Variants in LGSN observed in about 807,000 individuals in gnomAD.
LGSN encodes lengsin, lens protein with glutamine synthetase domain.
A neutral mutation model predicts 19.5 loss-of-function variants in LGSN; 21 were observed. The ratio of observed to expected loss-of-function variants is 1.07; its 90% CI spans 0.76 to 1.55. The LOEUF (loss-of-function observed/expected upper bound fraction) is 1.55, where lower values mean the gene tolerates loss of function less well. Ranked by LOEUF, LGSN falls within the 40% of genes most tolerant of loss-of-function variation. LGSN has a pLI of 0.00. For missense variants in LGSN, 673 were observed against 608.5 expected, an observed-to-expected ratio of 1.11 and a Z score of -1.12; for synonymous variants, 257 against 215.6, an observed-to-expected ratio of 1.19 and a Z score of -1.68.
At chr6:63,509,146 C>T in the LGSN span, among the ~76,000 whole-genome samples, 1 of 151,112 alleles carries the variant, frequency 6.6e-6, no homozygotes, top group Admixed American at 6.6e-5. Flanking sequence ...CTCACTGCAA[C>T]CTCCACCCCC....
At chr6:63,374,316 C>T in the LGSN span, among the ~76,000 whole-genome samples, 4 of 152,050 alleles carry the variant, frequency 2.6e-5, no homozygotes, top group Admixed American at 6.6e-5. Context: ...TTCAATAGAG[C>T]GCCATGATAT....
At chr6:63,413,667 T>C in the LGSN span, among the ~76,000 whole-genome samples, 1 of 152,206 alleles carries the variant, frequency 6.6e-6, no homozygotes, top group African/African-American at 2.4e-5. Flanking sequence ...ACTATATGTA[T>C]TGCACAAAGG....
chr6:63,364,142 T>G, the LGSN span, among the ~76,000 whole-genome samples: 1 of 152,104 alleles, frequency 6.6e-6, no homozygotes, highest in Non-Finnish European at 1.5e-5. Context: ...GTAAATTGGA[T>G]AAAGAGTCAA....
the LGSN span, among the ~76,000 whole-genome samples, chr6:63,360,347 G>C: frequency 6.6e-6 from 1 of 152,150 alleles, no homozygotes; most frequent in African/African-American, 2.4e-5. Context: ...TTTCTTGGAG[G>C]CTTTGTTTGT....
the LGSN span, among the ~76,000 whole-genome samples, chr6:63,503,927 AAAC>A: frequency 1.3e-5 from 2 of 152,084 alleles, no homozygotes; most frequent in South Asian, 2.1e-4. Context: ...AAAAAAACCA[AAAC>A]AACAACAACA....
intron 3 of LGSN, among the ~76,000 whole-genome samples, chr6:63,284,604 T>G (rs1308975836): frequency 1.3e-5 from 2 of 152,188 alleles, no homozygotes; most frequent in African/African-American, 4.8e-5. Flanking sequence ...GGCAAGTAGT[T>G]AAAGTGCCAG....
chr6:63,570,063 A>G, the LGSN span, among the ~76,000 whole-genome samples: 385 of 152,358 alleles, frequency 2.5e-3, 21 homozygotes, highest in East Asian at 0.067. Context: ...GCAAGACCAC[A>G]CTTATATCTT....
At chr6:63,376,585 T>A in the LGSN span, among the ~76,000 whole-genome samples, 1 of 152,202 alleles carries the variant, frequency 6.6e-6, no homozygotes, top group Non-Finnish European at 1.5e-5. Context: ...TTTTCTGAGC[T>A]TCTAGAAAAC....
chr6:63,377,838 C>T, the LGSN span, among the ~76,000 whole-genome samples: 20 of 143,468 alleles, frequency 1.4e-4, no homozygotes, highest in East Asian at 4.2e-4. Flanking sequence ...CGCTTGAACC[C>T]GGGAGGTGGA....
rs1767255283 is a variant in LGSN at position 63,280,495 on chromosome 6, A to G, written c.1056T>C (p.Ser352=). ...KKWLAGLLKH[S]AALSCLMAPS... ...GCGCCATCAGGCAGCTGAGCGCAGCAGAGTGCTTCAAGAGTCCTGCCAACC... is the reference window on the plus strand; with the variant it reads ...GCGCCATCAGGCAGCTGAGCGCAGCGGAGTGCTTCAAGAGTCCTGCCAACC... Residue 352 remains serine, a synonymous_variant, in exon 4 of 4, where the codon TCT becomes TCC. Coordinates refer to ENST00000370657, the MANE Select transcript of LGSN (RefSeq NM_016571.3). 1 of 1,614,046 alleles carries G rather than the reference A, an allele frequency of 6.2e-7. No individual in the cohort carries two copies. Among genetic ancestry groups the G allele is most frequent in the Non-Finnish European group, 8.5e-7 (1 of 1,180,054 alleles).
the LGSN span, among the ~76,000 whole-genome samples, chr6:63,565,011 T>C: frequency 2.0e-5 from 3 of 152,242 alleles, no homozygotes; most frequent in East Asian, 5.8e-4. Context: ...CATCATTTCT[T>C]TTTTGTTTTT....
the LGSN span, among the ~76,000 whole-genome samples, chr6:63,338,147 A>C: frequency 6.6e-6 from 1 of 152,244 alleles, no homozygotes; most frequent in Admixed American, 6.5e-5. Flanking sequence ...TGGTCTCCCA[A>C]AGTTCTGGGA....
At chr6:63,306,702 C>T (rs1768402923) in intron 1 of LGSN, among the ~76,000 whole-genome samples, 1 of 152,116 alleles carries the variant, frequency 6.6e-6, no homozygotes, top group South Asian at 2.1e-4. Flanking sequence ...ACTCAAATAG[C>T]AGACAGATTA....
chr6:63,545,838 A>G, the LGSN span, among the ~76,000 whole-genome samples: 2 of 152,188 alleles, frequency 1.3e-5, no homozygotes, highest in Non-Finnish European at 2.9e-5. Context: ...GTCTCTAGCA[A>G]TGAGAAACCT....
chr6:63,490,668 C>T, the LGSN span, among the ~76,000 whole-genome samples: 2 of 152,082 alleles, frequency 1.3e-5, no homozygotes, highest in South Asian at 2.1e-4. Flanking sequence ...CCTCTGTCTC[C>T]CAGGCTGTAG....
the LGSN span, among the ~76,000 whole-genome samples, chr6:63,488,427 C>T: frequency 4.4e-3 from 665 of 152,274 alleles, 6 homozygotes; most frequent in Non-Finnish European, 6.8e-3. Flanking sequence ...TCCTGGACTC[C>T]TCAAAACTCT....
chr6:63,487,405 T>C, the LGSN span, among the ~76,000 whole-genome samples: 1 of 152,252 alleles, frequency 6.6e-6, no homozygotes, highest in Non-Finnish European at 1.5e-5. Flanking sequence ...ATCGGCTCCC[T>C]GCCCTACAGC....
the LGSN span, among the ~76,000 whole-genome samples, chr6:63,345,895 C>T: frequency 6.6e-6 from 1 of 152,170 alleles, no homozygotes; most frequent in Non-Finnish European, 1.5e-5. Flanking sequence ...AAAGACCATC[C>T]TTTTCATAAA....
In LGSN at chr6:63,281,070, A is replaced by G. The variant is rs148135579; in HGVS notation, c.481T>C (p.Trp161Arg). 1.1e-5 allele frequency: 17 copies of G among 1,613,832 alleles called. No individual in the cohort carries two copies. The highest frequency in any genetic ancestry group is 1.4e-5 in the Non-Finnish European group (17 of 1,179,984). The change falls in exon 4 of 4, where the codon TGG (tryptophan) becomes CGG (arginine). Residue 161 changes from tryptophan to arginine, a missense_variant. By Grantham distance (101) the Trp-to-Arg change is moderately radical. Coordinates refer to ENST00000370657, the MANE Select transcript of LGSN (RefSeq NM_016571.3). ...ATCACTCTTGCAGTTCTGTCAGCCC[A>G]TGGCAAAACTCTAAAGGTTGATAAC... ...PELSTFRVLP[W>R]ADRTARVICD...
Sources: allele counts gnomAD v4.1 joint callset (sites outside exome capture counted in the v4.1 genomes callset), GRCh38; gene constraint gnomAD v4.1.1; transcripts MANE v1.5; gene names NCBI Gene and HGNC (gene_info 2026-07-23, HGNC 2026-07-21).